Variants in ADAMTSL1 observed in about 807,000 individuals in gnomAD.
The protein encoded by ADAMTSL1 is ADAMTS-like protein 1.
Under a neutral mutation model 201.8 loss-of-function variants are expected in ADAMTSL1, and 126 were observed. That is an observed-to-expected ratio of 0.62 (90% CI 0.54 to 0.72). ADAMTSL1 has a LOEUF of 0.72. ADAMTSL1 is among the 30% of genes least tolerant of loss of function. The pLI, the probability that ADAMTSL1 is intolerant of heterozygous loss-of-function variation, is 0.00. For synonymous variants in ADAMTSL1, 1,121 were observed against 903.4 expected (o/e 1.24, Z -4.32); for missense variants, 2,679 against 2,277.8 (o/e 1.18, Z -3.59).
At chr9:18,838,212 T>G (rs1422617833) in intron 23 of ADAMTSL1, among the ~76,000 whole-genome samples, 2 of 152,024 alleles carry the variant, frequency 1.3e-5, no homozygotes, top group Non-Finnish European at 2.9e-5. Context: ...TCAGATCTCA[T>G]GAGACTCATT....
In ADAMTSL1 at chr9:18,133,148, A is replaced by G. The variant is rs76528003; in HGVS notation, c.88-30714A>G. Among the ~76,000 whole-genome samples, 1,043 of 152,206 alleles carry G rather than the reference A, an allele frequency of 6.9e-3. 8 individuals carry two copies. Among genetic ancestry groups the G allele is most frequent in the Non-Finnish European group, 0.011 (781 of 68,022 alleles). ...GGCTAGGGTTCAGACTTTACTCCAG[A>G]ATTAAAAAGCTAGGGTTCAGACTCT... On this transcript the variant is annotated intron_variant, in intron 1 of 29. Transcript: ENST00000680146.
At chr9:18,162,851 G>C (rs1827455666) in intron 1 of ADAMTSL1, among the ~76,000 whole-genome samples, 1 of 151,880 alleles carries the variant, frequency 6.6e-6, no homozygotes, top group African/African-American at 2.4e-5. Context: ...TAGAACCTTA[G>C]ATTTTTACTT....
At chr9:18,459,481 T>C (rs544666775) in intron 2 of ADAMTSL1, among the ~76,000 whole-genome samples, 2 of 152,246 alleles carry the variant, frequency 1.3e-5, no homozygotes, top group African/African-American at 4.8e-5. Context: ...TTATTGACTA[T>C]CTTAGAATAG....
chr9:18,132,029 T>C (rs568799813), intron 1 of ADAMTSL1, among the ~76,000 whole-genome samples: 7 of 152,284 alleles, frequency 4.6e-5, no homozygotes, highest in Admixed American at 2.6e-4. Context: ...CTCTGATTTG[T>C]CACCTGAGCT....
chr9:18,263,572 C>T (rs139813902), intron 2 of ADAMTSL1, among the ~76,000 whole-genome samples: 15 of 152,290 alleles, frequency 9.8e-5, no homozygotes, highest in Middle Eastern at 6.8e-3. Context: ...CCGCAAATTC[C>T]GAAGCCAAAT....
intron 2 of ADAMTSL1, among the ~76,000 whole-genome samples, chr9:18,251,831 T>C (rs980369456): frequency 6.6e-6 from 1 of 152,096 alleles, no homozygotes; most frequent in Non-Finnish European, 1.5e-5. Flanking sequence ...TGTGAGAAAT[T>C]AAAAATTGAC....
intron 2 of ADAMTSL1, among the ~76,000 whole-genome samples, chr9:18,367,812 C>T (rs896593092): frequency 2.0e-5 from 3 of 152,016 alleles, no homozygotes; most frequent in Middle Eastern, 3.4e-3. Flanking sequence ...ATCCAGGCAA[C>T]GGATGGGTGG....
chr9:18,012,941 G>T (rs541311331), intron 1 of ADAMTSL1, among the ~76,000 whole-genome samples: 4 of 152,036 alleles, frequency 2.6e-5, no homozygotes, highest in Non-Finnish European at 4.4e-5. Context: ...TCGAATCCAA[G>T]ATAGTTCTCT....
intron 23 of ADAMTSL1, among the ~76,000 whole-genome samples, chr9:18,864,752 G>A (rs1438931664): frequency 6.6e-6 from 1 of 152,188 alleles, no homozygotes; most frequent in Non-Finnish European, 1.5e-5. Context: ...CAGAAAGTCA[G>A]TGAAGTCAAT....
intron 2 of ADAMTSL1, among the ~76,000 whole-genome samples, chr9:18,355,725 G>A (rs998762890): frequency 2.6e-5 from 4 of 152,184 alleles, no homozygotes; most frequent in Non-Finnish European, 5.9e-5. Flanking sequence ...AAAAAATGCT[G>A]GCCAGGCATG....
At chr9:18,782,398 A>C (rs1334215022) in intron 19 of ADAMTSL1, among the ~76,000 whole-genome samples, 1 of 152,160 alleles carries the variant, frequency 6.6e-6, no homozygotes, top group Non-Finnish European at 1.5e-5. Context: ...TATTGGAGAG[A>C]ACTTCCTTGT....
At chr9:18,548,315 G>A (rs1820598453) in intron 3 of ADAMTSL1, among the ~76,000 whole-genome samples, 1 of 152,060 alleles carries the variant, frequency 6.6e-6, no homozygotes, top group Admixed American at 6.6e-5. Context: ...AGTCTATTTA[G>A]TGTCAAGTTT....
chr9:18,241,713 A>C (rs1831071219), intron 2 of ADAMTSL1, among the ~76,000 whole-genome samples: 1 of 152,176 alleles, frequency 6.6e-6, no homozygotes, highest in Non-Finnish European at 1.5e-5. Flanking sequence ...TTAGAAATAA[A>C]AAAGGATCAT....
chr9:17,943,700 C>G (rs1361919280), intron 1 of ADAMTSL1, among the ~76,000 whole-genome samples: 1 of 152,014 alleles, frequency 6.6e-6, no homozygotes, highest in Non-Finnish European at 1.5e-5. Flanking sequence ...CTTATTTGTG[C>G]TATTTTACAT....
At chr9:18,093,026 C>T (rs192769154) in intron 1 of ADAMTSL1, among the ~76,000 whole-genome samples, 64 of 152,162 alleles carry the variant, frequency 4.2e-4, no homozygotes, top group African/African-American at 1.3e-3. Flanking sequence ...TTAAGACTGA[C>T]CAATGGGATG....
chr9:17,988,442 A>T (rs1819011096), intron 1 of ADAMTSL1, among the ~76,000 whole-genome samples: 1 of 152,042 alleles, frequency 6.6e-6, no homozygotes, highest in Admixed American at 6.6e-5. Flanking sequence ...AATATATTGT[A>T]AGTTTCCCCA....
At chr9:18,228,926 T>A (rs1267997178) in intron 2 of ADAMTSL1, among the ~76,000 whole-genome samples, 1 of 151,898 alleles carries the variant, frequency 6.6e-6, no homozygotes, top group East Asian at 1.9e-4. Flanking sequence ...ACAATTTCTT[T>A]CTCACTAAGC....
intron 3 of ADAMTSL1, 38 bp from the exon 4 acceptor site, chr9:18,573,992 C>A (rs1822523381): frequency 6.4e-7 from 1 of 1,571,338 alleles, no homozygotes; most frequent in South Asian, 1.1e-5. Flanking sequence ...GGGGTATCCT[C>A]CTAACCTTTG....
intron 23 of ADAMTSL1, among the ~76,000 whole-genome samples, chr9:18,886,948 A>T (rs1385171197): frequency 6.6e-6 from 1 of 152,188 alleles, no homozygotes; most frequent in Non-Finnish European, 1.5e-5. Flanking sequence ...AGATAGTCTT[A>T]ATTATCTTAA....
Sources: gnomAD v4.1 joint callset for allele counts (sites outside exome capture counted in the v4.1 genomes callset) on GRCh38, gnomAD v4.1.1 for gene constraint, MANE v1.5 for transcripts, NCBI Gene and HGNC (gene_info 2026-07-23, HGNC 2026-07-21) for gene names.